NCKAP5: variants seen among roughly 807,000 people sequenced by gnomAD.
NCKAP5 encodes the protein nck-associated protein 5.
NCKAP5 carries 92 observed loss-of-function variants against 167.0 expected under a neutral mutation model. The observed-to-expected ratio is 0.55, with a 90% confidence interval of 0.47 to 0.66. The LOEUF is 0.66. NCKAP5 is among the 30% of genes least tolerant of loss of function. The probability of loss-of-function intolerance (pLI) is 0.00; values close to 1 mark genes in which losing one functional copy is unlikely to be tolerated. For missense variants in NCKAP5, 2,378 were observed against 2,315.0 expected (o/e 1.03, Z -0.56); for synonymous variants, 891 against 877.4 (o/e 1.02, Z -0.27).
chr2:133,019,581 G>T (rs1165863672), intron 6 of NCKAP5, among the ~76,000 whole-genome samples: 1 of 152,096 alleles, frequency 6.6e-6, no homozygotes, highest in African/African-American at 2.4e-5. Context: ...CCTTGAACTT[G>T]TATCCCAAGA....
chr2:133,522,858 G>C (rs1684584775), intron 2 of NCKAP5, among the ~76,000 whole-genome samples: 1 of 152,164 alleles, frequency 6.6e-6, no homozygotes, highest in South Asian at 2.1e-4. Context: ...TCTTTTCTAT[G>C]TCTTCCAACA....
chr2:133,149,859 T>C (rs2083324250), intron 5 of NCKAP5, among the ~76,000 whole-genome samples: 2 of 152,164 alleles, frequency 1.3e-5, no homozygotes, highest in Admixed American at 1.3e-4. Context: ...TTGTTCAAAG[T>C]ATAAATTAAC....
intron 7 of NCKAP5, among the ~76,000 whole-genome samples, chr2:132,990,910 A>T (rs951523008): frequency 2.0e-5 from 3 of 152,230 alleles, no homozygotes; most frequent in Admixed American, 2.0e-4. Flanking sequence ...AAAGTACATG[A>T]AAAACTGGCA....
intron 16 of NCKAP5, among the ~76,000 whole-genome samples, chr2:132,753,992 T>A (rs569430567): frequency 6.6e-6 from 1 of 152,284 alleles, no homozygotes; most frequent in Non-Finnish European, 1.5e-5. Flanking sequence ...CTCTTGAGAC[T>A]CGCATTCTAT....
the NCKAP5 span, among the ~76,000 whole-genome samples, chr2:133,608,711 C>T: frequency 6.6e-6 from 1 of 152,286 alleles, no homozygotes; most frequent in South Asian, 2.1e-4. Flanking sequence ...TCACAGTTGA[C>T]GATGGCCACC....
chr2:133,619,203 C>G, the NCKAP5 span, among the ~76,000 whole-genome samples: 1 of 142,680 alleles, frequency 7.0e-6, no homozygotes, highest in East Asian at 2.1e-4. Flanking sequence ...ATACCTAATG[C>G]TAGATGACGA....
At chr2:133,384,187 C>T (rs373935133) in intron 3 of NCKAP5, among the ~76,000 whole-genome samples, 1 of 152,096 alleles carries the variant, frequency 6.6e-6, no homozygotes, top group African/African-American at 2.4e-5. Context: ...TTTATGGTTT[C>T]AGGTCTAACA....
chr2:133,117,689 A>G (rs1449738626), intron 6 of NCKAP5: 4 of 152,214 alleles, frequency 2.6e-5, no homozygotes, highest in Non-Finnish European at 5.9e-5. Context: ...TAAATATATT[A>G]CTACTTCACT....
At chr2:133,079,766 C>T (rs1385489465) in intron 6 of NCKAP5, among the ~76,000 whole-genome samples, 1 of 152,056 alleles carries the variant, frequency 6.6e-6, no homozygotes, top group Non-Finnish European at 1.5e-5. Flanking sequence ...TCTTAAAACA[C>T]TTGTATAGGT....
rs70973406 is a variant in NCKAP5 at position 132,771,839 on chromosome 2, ATTTTTT to A, written c.5128+1971_5128+1976del. Among the ~76,000 whole-genome samples the A allele has an allele frequency of 1.8e-4, 18 of 100,764 alleles. No homozygotes were observed. In the East Asian group the frequency reaches 3.5e-3, roughly 19 times the overall value. 66.1% of individuals were successfully genotyped at this position (100,764 alleles called of 152,430 possible). A position where few individuals can be genotyped will look rare whatever the true frequency, so the allele number is the denominator to read the frequency against. On this transcript the variant is annotated intron_variant, in intron 16 of 19. Coordinates refer to ENST00000409261, the MANE Select transcript of NCKAP5 (RefSeq NM_207363.3). Reference sequence around the variant, plus strand: ...AGGCACCCACAACCACGCCCGGCTAATTTTTTTTTTTTTTTTTTTTTTTTTGTATTT... The same window carrying A: ...AGGCACCCACAACCACGCCCGGCTAATTTTTTTTTTTTTTTTTTTGTATTT...
At chr2:132,818,280 T>C (rs1213016494) in intron 11 of NCKAP5, among the ~76,000 whole-genome samples, 2 of 152,204 alleles carry the variant, frequency 1.3e-5, no homozygotes, top group Non-Finnish European at 2.9e-5. Flanking sequence ...AAATTCTGTA[T>C]AGGAAGAATA....
intron 16 of NCKAP5, among the ~76,000 whole-genome samples, chr2:132,768,637 CTTTTTTTTTT>C (rs566719697): frequency 2.4e-5 from 3 of 124,586 alleles, no homozygotes; most frequent in African/African-American, 9.1e-5. Context: ...TTAATAATAT[CTTTTTTTTTT>C]TTTTTTTTTT....
intron 6 of NCKAP5, among the ~76,000 whole-genome samples, chr2:133,088,507 T>C (rs978532444): frequency 1.3e-5 from 2 of 152,114 alleles, no homozygotes; most frequent in African/African-American, 4.8e-5. Flanking sequence ...TATACCTTCC[T>C]TACCATACCT....
intron 6 of NCKAP5, among the ~76,000 whole-genome samples, chr2:133,109,187 G>A (rs1391856845): frequency 3.9e-5 from 6 of 152,084 alleles, no homozygotes; most frequent in Admixed American, 3.9e-4. Flanking sequence ...GGATAAACGT[G>A]CTTTATAGAA....
chr2:133,510,328 C>T (rs566729164), intron 3 of NCKAP5, among the ~76,000 whole-genome samples: 28 of 152,232 alleles, frequency 1.8e-4, no homozygotes, highest in Middle Eastern at 3.4e-3. Flanking sequence ...TACATGAACA[C>T]GCCATAATCA....
chr2:133,541,942 A>G (rs887779448), intron 2 of NCKAP5, among the ~76,000 whole-genome samples: 1 of 152,160 alleles, frequency 6.6e-6, no homozygotes, highest in Non-Finnish European at 1.5e-5. Flanking sequence ...AACTCCCTCA[A>G]TAAAATGTCC....
At chr2:133,614,800 G>C in the NCKAP5 span, among the ~76,000 whole-genome samples, 1 of 151,306 alleles carries the variant, frequency 6.6e-6, no homozygotes, top group South Asian at 2.1e-4. Flanking sequence ...TACAGAGAAT[G>C]CCACAAAGAT....
At chr2:133,599,502 C>T in the NCKAP5 span, among the ~76,000 whole-genome samples, 3,324 of 152,240 alleles carry the variant, frequency 0.022, 119 homozygotes, top group African/African-American at 0.076. Flanking sequence ...CATAAGGATA[C>T]TGATTGGCTT....
At chr2:132,701,592 G>A (rs980983573) in intron 19 of NCKAP5, among the ~76,000 whole-genome samples, 2 of 152,112 alleles carry the variant, frequency 1.3e-5, no homozygotes, top group Non-Finnish European at 2.9e-5. Context: ...AGGAATAGGA[G>A]GTGCTATGAT....
Sources: gnomAD v4.1 joint callset for allele counts (sites outside exome capture counted in the v4.1 genomes callset) on GRCh38, gnomAD v4.1.1 for gene constraint, MANE v1.5 for transcripts, NCBI Gene and HGNC (gene_info 2026-07-23, HGNC 2026-07-21) for gene names.